The following GABRB2 variants were observed in gnomAD, a reference collection of about 807,000 sequenced individuals.
GABRB2 encodes gamma-aminobutyric acid type A receptor subunit beta2.
A neutral mutation model predicts 54.7 loss-of-function variants in GABRB2; 16 were observed. The ratio of observed to expected loss-of-function variants is 0.29; its 90% CI spans 0.20 to 0.44. The LOEUF is 0.44. Among genes scored for constraint, GABRB2 ranks in the 20% least tolerant of loss-of-function variants. The probability of loss-of-function intolerance (pLI) is 1.00; values close to 1 mark genes in which losing one functional copy is unlikely to be tolerated. For synonymous variants in GABRB2, 244 were observed against 233.8 expected (o/e 1.04, Z -0.40); for missense variants, 355 against 644.0 (o/e 0.55, Z 4.86).
chr5:161,464,334 A>G (rs77745051), intron 3 of GABRB2, among the ~76,000 whole-genome samples: 4,345 of 152,188 alleles, frequency 0.029, 178 homozygotes, highest in East Asian at 0.17. Flanking sequence ...AGTTTATAAA[A>G]TGATGCTCAA....
intron 9 of GABRB2, among the ~76,000 whole-genome samples, chr5:161,308,309 G>T (rs1322276210): frequency 6.6e-6 from 1 of 152,054 alleles, no homozygotes; most frequent in African/African-American, 2.4e-5. Context: ...CCCCTCCCTT[G>T]CCAAAGATTG....
At chr5:161,340,133 A>G (rs924262173) in intron 5 of GABRB2, among the ~76,000 whole-genome samples, 2 of 152,024 alleles carry the variant, frequency 1.3e-5, no homozygotes, top group African/African-American at 4.8e-5. Flanking sequence ...GATAAATATT[A>G]TAACAGAAGC....
chr5:161,433,221 G>T (rs1360303888), intron 4 of GABRB2, among the ~76,000 whole-genome samples: 1 of 152,014 alleles, frequency 6.6e-6, no homozygotes, highest in Non-Finnish European at 1.5e-5. Context: ...AACATCCAAG[G>T]TGTTAAACAA....
chr5:161,517,122 A>G (rs1422760735), intron 3 of GABRB2, among the ~76,000 whole-genome samples: 1 of 152,158 alleles, frequency 6.6e-6, no homozygotes, highest in African/African-American at 2.4e-5. Context: ...GACACAATGA[A>G]GGTTATTATA....
At chr5:161,468,277 A>G (rs1390079800) in intron 3 of GABRB2, among the ~76,000 whole-genome samples, 1 of 152,082 alleles carries the variant, frequency 6.6e-6, no homozygotes, top group Admixed American at 6.6e-5. Flanking sequence ...TTTAAGGCCT[A>G]TGTAACCTGG....
intron 9 of GABRB2, among the ~76,000 whole-genome samples, chr5:161,319,817 G>T (rs189073942): frequency 6.6e-6 from 1 of 151,640 alleles, no homozygotes; most frequent in Admixed American, 6.6e-5. Context: ...TTGAGTGGGA[G>T]TTATATTTTT....
chr5:161,518,288 C>G (rs994525048), intron 3 of GABRB2, among the ~76,000 whole-genome samples: 2 of 152,094 alleles, frequency 1.3e-5, no homozygotes, highest in Admixed American at 6.5e-5. Flanking sequence ...AAACCCTGAG[C>G]TAGAAAAATT....
At chr5:161,502,753 T>C (rs1156604533) in intron 3 of GABRB2, among the ~76,000 whole-genome samples, 1 of 152,124 alleles carries the variant, frequency 6.6e-6, no homozygotes, top group Non-Finnish European at 1.5e-5. Context: ...AGAAAAAAGA[T>C]TAAGATTTGG....
At chr5:161,491,822 C>T (rs1319148819) in intron 3 of GABRB2, among the ~76,000 whole-genome samples, 1 of 151,688 alleles carries the variant, frequency 6.6e-6, no homozygotes, top group South Asian at 2.1e-4. Flanking sequence ...TGCATTCTGT[C>T]TACAAAGGAG....
intron 3 of GABRB2, among the ~76,000 whole-genome samples, chr5:161,476,000 A>G (rs1175766002): frequency 6.6e-6 from 1 of 151,960 alleles, no homozygotes; most frequent in African/African-American, 2.4e-5. Context: ...AAAGTAAAAT[A>G]ATCTCTGTTT....
chr5:161,499,130 G>T (rs1165674908), intron 3 of GABRB2, among the ~76,000 whole-genome samples: 1 of 152,074 alleles, frequency 6.6e-6, no homozygotes, highest in Non-Finnish European at 1.5e-5. Flanking sequence ...CCCACTTTAT[G>T]CACTCTTCAC....
chr5:161,289,889 G>A lies in GABRB2; in HGVS notation c.*4192C>T, dbSNP rs1395398081. The A allele has an allele frequency of 1.3e-5, 2 of 151,822 alleles. No individual in the cohort carries two copies. Among genetic ancestry groups the A allele is most frequent in the East Asian group, 1.9e-4 (1 of 5,196 alleles). 9.4% of individuals were successfully genotyped at this position (151,822 alleles called of 1,614,324 possible). ...ATTCCCAAACCATTTATGCAAAAGG[G>A]TGTTTAAATTACTCTGCTGGGGGCA... is the stretch of plus-strand genomic sequence containing the variant. On this transcript the variant is annotated 3_prime_UTR_variant, in exon 10 of 10. Transcript: ENST00000393959.
intron 5 of GABRB2, among the ~76,000 whole-genome samples, chr5:161,394,188 A>T (rs1174130835): frequency 6.6e-6 from 1 of 152,056 alleles, no homozygotes; most frequent in Non-Finnish European, 1.5e-5. Context: ...ATACATTAAG[A>T]TTTTGGGAAA....
intron 4 of GABRB2, among the ~76,000 whole-genome samples, chr5:161,416,122 T>C (rs1200606999): frequency 6.6e-6 from 1 of 152,098 alleles, no homozygotes; most frequent in Non-Finnish European, 1.5e-5. Flanking sequence ...AAATTTTTTG[T>C]AGAGACAAGG....
Position 161,409,040 on chromosome 5 carries a change from G to A in GABRB2, c.541+1935C>T, listed in dbSNP as rs114330427. Among the ~76,000 whole-genome samples, 1,287 of 152,122 alleles carry A rather than the reference G, an allele frequency of 8.5e-3. 19 individuals are homozygous for A. The highest frequency in any genetic ancestry group is 0.029 in the African/African-American group (1,197 of 41,522). On this transcript the variant is annotated intron_variant, in intron 5 of 9. Transcript: ENST00000393959. Reference sequence around the variant, plus strand: ...ACCATATCTAATTCTCTGTAGCAATGATTTGTTAACAGTCTAAATATGAAT... The same window carrying A: ...ACCATATCTAATTCTCTGTAGCAATAATTTGTTAACAGTCTAAATATGAAT...
chr5:161,410,219 T>C (rs1010158216), intron 5 of GABRB2, among the ~76,000 whole-genome samples: 1 of 152,178 alleles, frequency 6.6e-6, no homozygotes, highest in Non-Finnish European at 1.5e-5. Flanking sequence ...CAAAATGTTC[T>C]TCTACCTCAA....
intron 2 of GABRB2, 130 bp from the exon 3 acceptor site, chr5:161,545,424 C>T: frequency 5.1e-6 from 2 of 391,708 alleles, no homozygotes; most frequent in South Asian, 1.0e-4. Context: ...TTTCAATTCT[C>T]TGCTTTTTTT....
rs1021006113 is a variant in GABRB2, at chr5:161,405,641, C to T, written c.541+5334G>A. ...CAGATGTTTTGAGACTACTGTTATA[C>T]TCTAAGGTGCTATCGACGTTTACCT... On this transcript the variant is annotated intron_variant, in intron 5 of 9. Transcript: ENST00000393959. 3.9e-5 allele frequency among the ~76,000 whole-genome samples: 6 copies of T among 152,058 alleles called. No individual in the cohort carries two copies. The East Asian group carries it at 7.7e-4, about 20-fold the overall frequency.
At chr5:161,354,657 C>CAACA (rs927324152) in intron 5 of GABRB2, among the ~76,000 whole-genome samples, 2 of 151,888 alleles carry the variant, frequency 1.3e-5, no homozygotes, top group Admixed American at 6.6e-5. Flanking sequence ...TTAAAAACAG[C>CAACA]AACAAACAAA....
Sources: allele counts gnomAD v4.1 joint callset (sites outside exome capture counted in the v4.1 genomes callset), GRCh38; gene constraint gnomAD v4.1.1; transcripts MANE v1.5; gene names NCBI Gene and HGNC (gene_info 2026-07-23, HGNC 2026-07-21).